Variants in PC observed in about 807,000 individuals in gnomAD.
PC encodes the protein pyruvate carboxylase, mitochondrial.
PC carries 46 observed loss-of-function variants against 107.8 expected under a neutral mutation model. That is an observed-to-expected ratio of 0.43 (90% CI 0.34 to 0.55). The LOEUF is 0.55. Ranked by LOEUF, PC falls within the 20% of genes least tolerant of loss-of-function variation. The probability of loss-of-function intolerance (pLI) is 0.04; values close to 1 mark genes in which losing one functional copy is unlikely to be tolerated. For missense variants in PC, 1,241 were observed against 1,643.1 expected (o/e 0.76, Z 4.23); for synonymous variants, 662 against 684.7 (o/e 0.97, Z 0.52).
rs1021345088 is a variant in PC, at chr11:66,866,953, T to G, written c.1023-604A>C. 3.3e-5 allele frequency among the ~76,000 whole-genome samples: 5 copies of G among 152,198 alleles called. No homozygotes were observed. The highest frequency in any genetic ancestry group is 1.2e-4 in the African/African-American group (5 of 41,438). Reference sequence around the variant, plus strand: ...TCTGAGGCCTGTTTTCCTGCTGGACTTGTGCCCAAAACCCCCTAGAGATGC... The same window carrying G: ...TCTGAGGCCTGTTTTCCTGCTGGACGTGTGCCCAAAACCCCCTAGAGATGC... On this transcript the variant is annotated intron_variant, in intron 10 of 22. Coordinates refer to ENST00000393960, the MANE Select transcript of PC (RefSeq NM_001040716.2). This position sits in a 1 kb window ranked among gnomAD's most constrained non-coding sequence, Gnocchi z 5.4.
intron 3 of PC, among the ~76,000 whole-genome samples, chr11:66,903,752 G>GAAAA (rs1175402409): frequency 3.0e-4 from 23 of 76,190 alleles, no homozygotes; most frequent in Middle Eastern, 9.3e-3. Flanking sequence ...TCCATCTCAG[G>GAAAA]AAAAAAAAAA....
rs61731787 is a variant in PC, at chr11:66,850,843, C to G, written c.2304G>C (p.Leu768=). Residue 768 remains leucine, a synonymous_variant, in exon 18 of 23, where the codon CTG becomes CTC. Transcript: ENST00000393960. ...SLRDRFPDLP[L]HIHTHDTSGA... is the part of the protein sequence containing the mutation. ...CTGACGTGTCGTGGGTGTGGATGTG[C>G]AGTGGGAGGTCGGGGAAGCGGTCCC... 516 of 1,611,924 alleles carry G rather than the reference C, an allele frequency of 3.2e-4. No individual in the cohort carries two copies. The highest frequency in any genetic ancestry group is 4.2e-4 in the Non-Finnish European group (494 of 1,179,990).
At chr11:66,950,274 G>A (rs559379220) in intron 3 of PC, among the ~76,000 whole-genome samples, 1 of 152,268 alleles carries the variant, frequency 6.6e-6, no homozygotes, top group Admixed American at 6.5e-5. Flanking sequence ...GCCTCGTTGT[G>A]ATGTCATGGT....
chr11:66,870,617 G>A lies in PC; in HGVS notation c.751+158C>T, dbSNP rs1946687154. 6.6e-6 allele frequency among the ~76,000 whole-genome samples: 1 copy of A among 152,176 alleles called. No homozygotes were observed. Among genetic ancestry groups the A allele is most frequent in the African/African-American group, 2.4e-5 (1 of 41,440 alleles). On this transcript the variant is annotated intron_variant, in intron 8 of 22. Coordinates refer to ENST00000393960, the MANE Select transcript of PC (RefSeq NM_001040716.2). This position sits in a 1 kb window ranked among gnomAD's most constrained non-coding sequence, Gnocchi z 6.1. ...ATCACCAAGGCTGTGAGGACCAACTGCCAGCTCGGCCCCTAGAGCCCACTT... is the reference window on the plus strand; with the variant it reads ...ATCACCAAGGCTGTGAGGACCAACTACCAGCTCGGCCCCTAGAGCCCACTT...
At chr11:66,856,235 G>A (rs1024638583) in intron 12 of PC, among the ~76,000 whole-genome samples, 2 of 152,274 alleles carry the variant, frequency 1.3e-5, no homozygotes, top group Admixed American at 1.3e-4. Flanking sequence ...GGGAGGGAGG[G>A]GCCGCAGGCG....
intron 1 of PC, among the ~76,000 whole-genome samples, chr11:66,956,198 A>C (rs1474567830): frequency 6.6e-6 from 1 of 152,180 alleles, no homozygotes; most frequent in Admixed American, 6.5e-5. Context: ...CCCAGTGACC[A>C]ATCAAGTTTC....
At chr11:66,958,140 T>C (rs1949618398) in intron 1 of PC, 182 bp downstream of exon 1, 1 of 151,692 alleles carries the variant, frequency 6.6e-6, no homozygotes, top group Non-Finnish European at 1.5e-5. Context: ...CGCCGTCCGC[T>C]GCGTCGCGTC....
intron 3 of PC, among the ~76,000 whole-genome samples, chr11:66,887,675 C>A (rs1947422641): frequency 6.6e-6 from 1 of 152,220 alleles, no homozygotes; most frequent in African/African-American, 2.4e-5. Flanking sequence ...ACGAGAGAGC[C>A]AGGGGCAGGG....
rs752969475 is a variant in PC, at chr11:66,928,385, C to CAAA, written c.-1+24042_-1+24044dup. ...TGGGCGACAGAGTGAGACTCCATCT[C>CAAA]AAAAAAAAAAAAAAAAACAAGAATC... On this transcript the variant is annotated intron_variant, in intron 3 of 22. Transcript: ENST00000393960. Among the ~76,000 whole-genome samples the CAAA allele has an allele frequency of 4.1e-4, 39 of 94,708 alleles. 1 individual carries two copies. Among genetic ancestry groups the CAAA allele is most frequent in the African/African-American group, 1.2e-3 (29 of 23,722 alleles). 62.1% of individuals were successfully genotyped at this position (94,708 alleles called of 152,430 possible).
chr11:66,866,322 G>A lies in PC; in HGVS notation c.1050C>T (p.His350=), dbSNP rs770612085. The A allele has an allele frequency of 8.7e-6, 14 of 1,613,042 alleles. No homozygotes were observed. The highest frequency in any genetic ancestry group is 1.1e-5 in the South Asian group (1 of 91,056). Reference sequence around the variant, plus strand: ...CGGGTAGGCTCCTGCCCTCAGCCACGTGGATCTGAGCATGGACCAGGTCTA... The same window carrying A: ...CGGGTAGGCTCCTGCCCTCAGCCACATGGATCTGAGCATGGACCAGGTCTA... The part of the protein sequence containing the change: ...TDVDLVHAQI[H]VAEGRSLPDL... Residue 350 remains histidine (H), a synonymous_variant, in exon 11 of 23, where the codon CAC becomes CAT. Transcript: ENST00000393960. The surrounding 1 kb of genome is among the most constrained non-coding windows in gnomAD (Gnocchi z 5.4).
intron 12 of PC, chr11:66,860,730 C>T: frequency 1.4e-6 from 1 of 700,004 alleles, no homozygotes; most frequent in Non-Finnish European, 2.6e-6. Flanking sequence ...AAGAACGCCC[C>T]TTCCTGCCAG....
chr11:66,854,684 C>T (rs1032731709), intron 12 of PC, among the ~76,000 whole-genome samples: 10 of 152,258 alleles, frequency 6.6e-5, no homozygotes, highest in East Asian at 1.9e-4. Flanking sequence ...TGATCCCTGT[C>T]GGCACCTTCA....
At chr11:66,926,123 C>T (rs1348243242) in intron 3 of PC, among the ~76,000 whole-genome samples, 1 of 152,136 alleles carries the variant, frequency 6.6e-6, no homozygotes, top group Non-Finnish European at 1.5e-5. Context: ...AGGCCACTGT[C>T]CAGGCAAGGC....
intron 3 of PC, among the ~76,000 whole-genome samples, chr11:66,942,574 G>T (rs1294455736): frequency 1.3e-5 from 2 of 152,106 alleles, no homozygotes; most frequent in Non-Finnish European, 2.9e-5. Context: ...GGTGCCAGGG[G>T]CTTGGGTGAG....
In PC at chr11:66,945,978, C is replaced by T. The variant is rs528857667; in HGVS notation, c.-1+6452G>A. Among the ~76,000 whole-genome samples the T allele has an allele frequency of 2.6e-4, 39 of 148,968 alleles. No individual in the cohort carries two copies. The East Asian group carries it at 5.1e-3, about 19-fold the overall frequency. On this transcript the variant is annotated intron_variant, in intron 3 of 22. Coordinates refer to ENST00000393960, the MANE Select transcript of PC (RefSeq NM_001040716.2). The stretch of plus-strand genomic sequence containing the variant: ...GCGGGCGCCTGTAGTCCCAGCTACT[C>T]GGGAGGCTGAGGCAGGAGAATGGCG...
At chr11:66,885,596 G>C (rs1003880876) in intron 3 of PC, among the ~76,000 whole-genome samples, 6 of 152,132 alleles carry the variant, frequency 3.9e-5, no homozygotes, top group African/African-American at 1.2e-4. Context: ...TTATAAAAAG[G>C]GGGAAATCTG....
intron 3 of PC, among the ~76,000 whole-genome samples, chr11:66,921,566 G>T (rs1489862780): frequency 6.6e-6 from 1 of 152,116 alleles, no homozygotes; most frequent in Non-Finnish European, 1.5e-5. Flanking sequence ...CTCTGGGGGT[G>T]GTGGCTTTGT....
At chr11:66,887,578 T>G (rs1170615687) in intron 3 of PC, among the ~76,000 whole-genome samples, 1 of 152,102 alleles carries the variant, frequency 6.6e-6, no homozygotes, top group Non-Finnish European at 1.5e-5. Context: ...AAGACTAACA[T>G]ATGGAAAATA....
chr11:66,943,871 C>A (rs1283159377), intron 3 of PC, among the ~76,000 whole-genome samples: 2 of 148,128 alleles, frequency 1.4e-5, no homozygotes, highest in Admixed American at 6.8e-5. Flanking sequence ...GTATTCCCAG[C>A]TAATAGAGAG....
Sources: gnomAD v4.1 joint callset for allele counts (sites outside exome capture counted in the v4.1 genomes callset) on GRCh38, gnomAD v4.1.1 for gene constraint, Gnocchi (gnomAD v3.1) non-coding constraint, MANE v1.5 for transcripts, NCBI Gene and HGNC (gene_info 2026-07-23, HGNC 2026-07-21) for gene names.